ZNF385C: variants seen among roughly 807,000 people sequenced by gnomAD.
The protein encoded by ZNF385C is CTD-2132N18.2.
In ZNF385C, 28 loss-of-function variants were observed where a neutral mutation model predicts 35.4. The observed-to-expected ratio is 0.79, with a 90% CI of 0.59 to 1.08. The LOEUF is 1.08. ZNF385C is among the 50% of genes least tolerant of loss of function. The pLI is 0.00. For missense variants in ZNF385C, 605 were observed against 595.6 expected (o/e 1.02, Z -0.16); for synonymous variants, 248 against 248.2 (o/e 1.00, Z 0.01).
intron 4 of ZNF385C, among the ~76,000 whole-genome samples, 171 bp from the exon 5 acceptor site, chr17:42,031,955 T>C (rs889753444): frequency 4.6e-5 from 7 of 152,206 alleles, no homozygotes; most frequent in Admixed American, 2.0e-4. Flanking sequence ...GGCTCTGAGG[T>C]TTGCAGAATG....
chr17:42,044,005 C>G (rs2053087982), intron 2 of ZNF385C, among the ~76,000 whole-genome samples: 1 of 151,792 alleles, frequency 6.6e-6, no homozygotes, highest in African/African-American at 2.4e-5. Flanking sequence ...CTTCAGCCCA[C>G]AGTCATCTAT....
At chr17:42,093,903 C>T (rs782282649) in intron 1 of ZNF385C, among the ~76,000 whole-genome samples, 9 of 151,558 alleles carry the variant, frequency 5.9e-5, no homozygotes, top group Admixed American at 1.3e-4. Context: ...CTCCCTAGGA[C>T]GTGATATTCC....
intron 1 of ZNF385C, among the ~76,000 whole-genome samples, chr17:42,090,812 G>T (rs1317057382): frequency 1.3e-5 from 2 of 151,900 alleles, no homozygotes; most frequent in Admixed American, 6.5e-5. Context: ...AACCCGGAAG[G>T]CGGAGCTTGC....
chr17:42,042,896 G>C, intron 2 of ZNF385C: 1 of 1,232,352 alleles, frequency 8.1e-7, no homozygotes, highest in Non-Finnish European at 1.0e-6. Context: ...AGCAGTGCCT[G>C]GCACAGGTTG....
chr17:42,031,093 G>C (rs1457621961), intron 5 of ZNF385C, among the ~76,000 whole-genome samples: 9 of 152,064 alleles, frequency 5.9e-5, no homozygotes, highest in African/African-American at 1.9e-4. Flanking sequence ...ACAAGGTTTT[G>C]CTCTGTCACC....
chr17:42,057,773 G>T (rs552087759), intron 2 of ZNF385C, among the ~76,000 whole-genome samples: 1 of 151,970 alleles, frequency 6.6e-6, no homozygotes, highest in Non-Finnish European at 1.5e-5. Context: ...GTGAAACTCC[G>T]TCTCTACTAA....
chr17:42,034,442 G>T, intron 3 of ZNF385C, 107 bp from the exon 4 acceptor site: 1 of 750,908 alleles, frequency 1.3e-6, no homozygotes. Context: ...GAGGGCCTTG[G>T]TCAGCTTCTA....
intron 2 of ZNF385C, among the ~76,000 whole-genome samples, chr17:42,060,533 A>G (rs1217672466): frequency 1.3e-5 from 2 of 152,150 alleles, no homozygotes; most frequent in Non-Finnish European, 2.9e-5. Context: ...CTGGAGTACC[A>G]GGCCTCATGT....
At chr17:42,029,161 C>G in intron 5 of ZNF385C, 88 bp from the exon 6 acceptor site, 1 of 1,424,438 alleles carries the variant, frequency 7.0e-7, no homozygotes, top group Non-Finnish European at 9.3e-7. Flanking sequence ...CCTGGAGGGC[C>G]CCTGGTGGAT....
intron 2 of ZNF385C, chr17:42,041,278 GC>G: frequency 8.9e-7 from 1 of 1,128,364 alleles, no homozygotes; most frequent in Non-Finnish European, 1.1e-6. Flanking sequence ...GGTGGAAAGA[GC>G]CCAGGCCTTG....
intron 1 of ZNF385C, among the ~76,000 whole-genome samples, chr17:42,093,924 G>A (rs1207925813): frequency 4.6e-5 from 7 of 151,156 alleles, no homozygotes; most frequent in African/African-American, 1.5e-4. Flanking sequence ...CTTTCCTGCC[G>A]CCTTGCCTGG....
chr17:42,040,669 G>T, intron 2 of ZNF385C: 1 of 1,232,294 alleles, frequency 8.1e-7, no homozygotes, highest in Non-Finnish European at 1.0e-6. Context: ...CAGCAGGGAG[G>T]CCCAGGGCAC....
chr17:42,051,305 G>C (rs1444129757), intron 2 of ZNF385C, among the ~76,000 whole-genome samples: 2 of 152,072 alleles, frequency 1.3e-5, no homozygotes, highest in Non-Finnish European at 2.9e-5. Context: ...GTGGGGAAGA[G>C]GGAGGGAGGT....
At chr17:42,060,939 T>C (rs1200338711) in intron 2 of ZNF385C, among the ~76,000 whole-genome samples, 10 of 152,112 alleles carry the variant, frequency 6.6e-5, no homozygotes, top group Non-Finnish European at 1.3e-4. Flanking sequence ...GGTCTCGAAC[T>C]CCTGAGCTCA....
At chr17:42,038,133 C>A in intron 2 of ZNF385C, 1 of 1,462,724 alleles carries the variant, frequency 6.8e-7, no homozygotes, top group South Asian at 1.3e-5. Context: ...CCCTCCTGCC[C>A]CTACTGAGGC....
chr17:42,068,236 C>G (rs1020646233), intron 1 of ZNF385C, among the ~76,000 whole-genome samples: 1 of 152,198 alleles, frequency 6.6e-6, no homozygotes, highest in Admixed American at 6.5e-5. Context: ...ATCCCCAACC[C>G]TGGCCCCTAC....
chr17:42,066,929 C>A (rs1184452765), intron 1 of ZNF385C, among the ~76,000 whole-genome samples: 1 of 152,046 alleles, frequency 6.6e-6, no homozygotes, highest in Non-Finnish European at 1.5e-5. Flanking sequence ...ATTAGCCAGG[C>A]GCGGTGGTGG....
chr17:42,045,961 G>C (rs1286764031), intron 2 of ZNF385C, among the ~76,000 whole-genome samples: 2 of 152,158 alleles, frequency 1.3e-5, no homozygotes, highest in Non-Finnish European at 2.9e-5. Context: ...ATTCCCAGTA[G>C]ACACCAAGCT....
At chr17:42,049,047 C>G (rs2053230766) in intron 2 of ZNF385C, among the ~76,000 whole-genome samples, 1 of 152,286 alleles carries the variant, frequency 6.6e-6, no homozygotes, top group South Asian at 2.1e-4. Context: ...CCCAGGGCTA[C>G]TGACCTCTCT....
Sources: gnomAD v4.1 joint callset for allele counts (sites outside exome capture counted in the v4.1 genomes callset) on GRCh38, gnomAD v4.1.1 for gene constraint, MANE v1.5 for transcripts, NCBI Gene and HGNC (gene_info 2026-07-23, HGNC 2026-07-21) for gene names.